PCNX2: variants seen among roughly 807,000 people sequenced by gnomAD.
PCNX2 encodes pecanex 2.
Under a neutral mutation model 223.8 loss-of-function variants are expected in PCNX2, and 168 were observed. The ratio of observed to expected loss-of-function variants is 0.75; its 90% CI spans 0.66 to 0.85. The LOEUF (loss-of-function observed/expected upper bound fraction) is 0.85, where lower values mean the gene tolerates loss of function less well. Ranked by LOEUF, PCNX2 falls within the 40% of genes least tolerant of loss-of-function variation. The pLI, the probability that PCNX2 is intolerant of heterozygous loss-of-function variation, is 0.00. For missense variants in PCNX2, 2,507 were observed against 2,675.5 expected, an observed-to-expected ratio of 0.94 and a Z score of 1.39; for synonymous variants, 1,006 against 1,052.6, an observed-to-expected ratio of 0.96 and a Z score of 0.86.
Position 233,208,465 on chromosome 1 carries a change from G to T in PCNX2, c.2863+53C>A, listed in dbSNP as rs1450318120. The T allele has an allele frequency of 4.6e-6, 7 of 1,528,568 alleles. No individual in the cohort carries two copies. In the Admixed American group the frequency reaches 9.0e-5, roughly 20 times the overall value. The allele number at this position is 1,528,568 out of a possible 1,614,324, so 94.7% of individuals were successfully genotyped here. A position where few individuals can be genotyped will look rare whatever the true frequency, so the allele number is the denominator to read the frequency against. ...GCTTAGAAATTCAGAAGACAAAGGG[G>T]AGACATACCCCCAACCCCCATATTC... is the stretch of plus-strand genomic sequence containing the variant. On this transcript the variant is annotated intron_variant, in intron 13 of 33. Transcript: ENST00000258229.
chr1:233,030,559 A>G (rs1192836275), intron 25 of PCNX2, among the ~76,000 whole-genome samples: 1 of 152,190 alleles, frequency 6.6e-6, no homozygotes, highest in Non-Finnish European at 1.5e-5. Flanking sequence ...TTCTGTCAGG[A>G]AGTTAATTTA....
chr1:233,122,987 C>T (rs1043156167), intron 21 of PCNX2, among the ~76,000 whole-genome samples: 3 of 152,146 alleles, frequency 2.0e-5, no homozygotes, highest in African/African-American at 4.8e-5. Flanking sequence ...GTCAAGTCAT[C>T]ACAAACATGG....
intron 32 of PCNX2, among the ~76,000 whole-genome samples, chr1:232,992,213 C>T (rs962282827): frequency 6.6e-5 from 10 of 152,216 alleles, no homozygotes; most frequent in Admixed American, 2.6e-4. Context: ...GCAGTGCCTT[C>T]TTTCCTCAGC....
chr1:233,296,006 T>C (rs113798825), upstream of PCNX2, among the ~76,000 whole-genome samples: 1,667 of 148,950 alleles, frequency 0.011, 22 homozygotes, highest in Non-Finnish European at 0.017. Flanking sequence ...TTCTTTCTTT[T>C]TTTTTTTTGC....
intron 18 of PCNX2, among the ~76,000 whole-genome samples, chr1:233,160,767 A>G (rs1678421691): frequency 1.3e-5 from 2 of 152,230 alleles, no homozygotes; most frequent in East Asian, 1.9e-4. Flanking sequence ...AGGGGAGTTC[A>G]TGGATGGACA....
chr1:233,208,958 T>C (rs74145098), intron 12 of PCNX2, among the ~76,000 whole-genome samples: 3,488 of 151,818 alleles, frequency 0.023, 129 homozygotes, highest in African/African-American at 0.079. Context: ...AAGATTTACC[T>C]GAAAATTTAA....
intron 15 of PCNX2, among the ~76,000 whole-genome samples, chr1:233,195,641 G>A (rs879467347): frequency 1.3e-5 from 2 of 152,106 alleles, no homozygotes; most frequent in African/African-American, 4.8e-5. Context: ...AAAATAAATT[G>A]TATTTAGTAT....
At chr1:233,293,494 C>G (rs1661889227) in intron 1 of PCNX2, among the ~76,000 whole-genome samples, 1 of 152,200 alleles carries the variant, frequency 6.6e-6, no homozygotes, top group Non-Finnish European at 1.5e-5. Flanking sequence ...GTTCCAACAA[C>G]TAAGTACCAG....
At chr1:233,087,687 T>C (rs1016810333) in intron 23 of PCNX2, among the ~76,000 whole-genome samples, 49 of 152,226 alleles carry the variant, frequency 3.2e-4, no homozygotes, top group African/African-American at 1.2e-3. Flanking sequence ...TTTCAGCAGA[T>C]GGGCCAGAGG....
At chr1:233,235,210 G>T (rs550707170) in intron 9 of PCNX2, among the ~76,000 whole-genome samples, 2 of 152,254 alleles carry the variant, frequency 1.3e-5, no homozygotes, top group Admixed American at 1.3e-4. Flanking sequence ...AGTCCCAAAA[G>T]ACTGATTCTT....
chr1:233,207,379 C>T (rs1681537249), intron 13 of PCNX2, among the ~76,000 whole-genome samples: 1 of 152,162 alleles, frequency 6.6e-6, no homozygotes, highest in African/African-American at 2.4e-5. Context: ...AGAGATCCAG[C>T]TAGTGATGTT....
intron 12 of PCNX2, among the ~76,000 whole-genome samples, chr1:233,211,547 G>A (rs1002030905): frequency 3.3e-5 from 5 of 152,032 alleles, no homozygotes; most frequent in African/African-American, 9.7e-5. Context: ...TTCATGTAGC[G>A]AACCCTCAGA....
At chr1:233,067,368 A>AAG (rs1672657105) in intron 23 of PCNX2, among the ~76,000 whole-genome samples, 1 of 84,574 alleles carries the variant, frequency 1.2e-5, no homozygotes, top group Admixed American at 1.1e-4. Context: ...GCTTCAGCAA[A>AAG]AAAAAAAAAA....
chr1:233,232,928 A>G, intron 9 of PCNX2: 1 of 984,812 alleles, frequency 1.0e-6, no homozygotes, highest in Non-Finnish European at 1.2e-6. Flanking sequence ...AGTTTACAAA[A>G]CACTTTCACA....
rs766878027 is a variant in PCNX2, at chr1:232,998,433, C to G, written c.5609G>C (p.Arg1870Pro). Residue 1870 changes from arginine (R) to proline (P), a missense_variant, in exon 32 of 34, where the codon CGG becomes CCG. Physicochemically the swap from Arg to Pro is moderately radical, Grantham distance 103. Coordinates refer to ENST00000258229, the MANE Select transcript of PCNX2 (RefSeq NM_014801.4). ...TWFWTKWVRM[R>P]KDCNARQHSG... ...GTGCTGGCGGGCATTGCAATCCTTC[C>G]GCATCCTGTGGGAGGGAGAAGTCCT... 5 of 1,611,444 alleles carry G rather than the reference C, an allele frequency of 3.1e-6. No homozygotes were observed. Among genetic ancestry groups the G allele is most frequent in the Non-Finnish European group, 3.4e-6 (4 of 1,179,274 alleles).
intron 19 of PCNX2, among the ~76,000 whole-genome samples, chr1:233,140,146 T>C (rs903749793): frequency 2.0e-5 from 3 of 148,450 alleles, no homozygotes; most frequent in African/African-American, 7.5e-5. Flanking sequence ...GGCTGTCACA[T>C]AGCATCAAGT....
At position 233,155,192 on chromosome 1, in the gene PCNX2, G is replaced by C. The variant is rs562863166; in HGVS notation, c.3517+5091C>G. Reference sequence around the variant, plus strand: ...TACAGCCTCTAACTCCTGGGCTCGAGTGATCTTCCTGCCTCAGCCTCCCAA... The same window carrying C: ...TACAGCCTCTAACTCCTGGGCTCGACTGATCTTCCTGCCTCAGCCTCCCAA... On this transcript the variant is annotated intron_variant, in intron 19 of 33. Transcript: ENST00000258229. Among the ~76,000 whole-genome samples, 30 of 152,230 alleles carry C rather than the reference G, an allele frequency of 2.0e-4. No individual in the cohort carries two copies. The South Asian group carries it at 6.2e-3, about 32-fold the overall frequency.
the PCNX2 span, among the ~76,000 whole-genome samples, chr1:233,321,800 AT>A: frequency 6.6e-6 from 1 of 152,264 alleles, no homozygotes; most frequent in African/African-American, 2.4e-5. Flanking sequence ...ACACTGAAGA[AT>A]ACTACAGTTT....
chr1:233,070,750 C>A (rs1672818302), intron 23 of PCNX2, among the ~76,000 whole-genome samples: 1 of 152,006 alleles, frequency 6.6e-6, no homozygotes, highest in African/African-American at 2.4e-5. Context: ...TAAAAACCTA[C>A]AGCTGGCCAG....
Sources: gnomAD v4.1 joint callset for allele counts (sites outside exome capture counted in the v4.1 genomes callset) on GRCh38, gnomAD v4.1.1 for gene constraint, MANE v1.5 for transcripts, NCBI Gene and HGNC (gene_info 2026-07-23, HGNC 2026-07-21) for gene names.